RAD51B: variants seen among roughly 807,000 people sequenced by gnomAD.
RAD51B encodes DNA repair protein RAD51 homolog 2.
A neutral mutation model predicts 42.2 loss-of-function variants in RAD51B; 38 were observed. The observed-to-expected ratio is 0.90, with a 90% CI of 0.70 to 1.18. The LOEUF (loss-of-function observed/expected upper bound fraction) is 1.18, where lower values mean the gene tolerates loss of function less well. Ranked by LOEUF, RAD51B falls within the 50% of genes most tolerant of loss-of-function variation. The probability of loss-of-function intolerance (pLI) is 0.00; values close to 1 mark genes in which losing one functional copy is unlikely to be tolerated. For synonymous variants in RAD51B, 154 were observed against 145.2 expected, an observed-to-expected ratio of 1.06 and a Z score of -0.43; for missense variants, 373 against 400.7, an observed-to-expected ratio of 0.93 and a Z score of 0.59.
At chr14:67,882,887 G>A (rs1290074439) in intron 5 of RAD51B, among the ~76,000 whole-genome samples, 11 of 152,156 alleles carry the variant, frequency 7.2e-5, no homozygotes, top group Admixed American at 7.2e-4. Flanking sequence ...TGGGATTACA[G>A]GCGCCCGTCA....
rs563558501 is a variant in RAD51B at position 68,477,947 on chromosome 14, A to G, written c.*283A>G. 7.6e-5 allele frequency: 92 copies of G among 1,217,214 alleles called. 1 individual carries two copies. The highest frequency in any genetic ancestry group is 1.6e-5 in the African/African-American group (1 of 64,372). The allele number at this position is 1,217,214 out of a possible 1,614,324, so 75.4% of individuals were successfully genotyped here. A position where few individuals can be genotyped will look rare whatever the true frequency, so the allele number is the denominator to read the frequency against. On this transcript the variant is annotated 3_prime_UTR_variant, in exon 11 of 11. Transcript: ENST00000471583. ...AGCCATAATAATAATTTGCACTTATATAGCACCTTTCAACCAGGCACCTCA... is the reference window on the plus strand; with the variant it reads ...AGCCATAATAATAATTTGCACTTATGTAGCACCTTTCAACCAGGCACCTCA...
chr14:68,406,091 A>G (rs919993883), intron 8 of RAD51B, among the ~76,000 whole-genome samples: 1 of 152,238 alleles, frequency 6.6e-6, no homozygotes, highest in African/African-American at 2.4e-5. Flanking sequence ...ATAACTTTTT[A>G]ATTAGTCATT....
At chr14:67,914,747 A>G (rs113896983) in intron 7 of RAD51B, among the ~76,000 whole-genome samples, 2 of 152,256 alleles carry the variant, frequency 1.3e-5, no homozygotes, top group African/African-American at 4.8e-5. Context: ...GTTTATTTGT[A>G]ACACCCAAAT....
chr14:67,865,034 A>G lies in RAD51B; in HGVS notation c.347A>G (p.Gln116Arg). Residue 116 changes from glutamine (Q) to arginine (R), a missense_variant, in exon 5 of 11, where the codon CAG becomes CGG. Transcript: ENST00000471583. ...ITGPPGCGKT[Q>R]FCIMMSILAT... ...GGTCCACCAGGTTGTGGAAAAACTC[A>G]GTTTTGTATAATGATGAGCATTTTG... 7.5e-7 allele frequency: 1 copy of G among 1,341,080 alleles called. No individual in the cohort carries two copies. The allele number at this position is 1,341,080 out of a possible 1,614,324, so 83.1% of individuals were successfully genotyped here. A position where few individuals can be genotyped will look rare whatever the true frequency, so the allele number is the denominator to read the frequency against.
intron 7 of RAD51B, among the ~76,000 whole-genome samples, chr14:67,947,473 A>T (rs763508714): frequency 3.3e-5 from 5 of 152,160 alleles, no homozygotes; most frequent in Non-Finnish European, 7.4e-5. Flanking sequence ...TCCCATTTTA[A>T]TGTCTGACCC....
intron 10 of RAD51B, among the ~76,000 whole-genome samples, chr14:68,473,971 G>A (rs1241273009): frequency 6.6e-6 from 1 of 152,128 alleles, no homozygotes. Context: ...TGCTTTTGTT[G>A]CTTAACACTG....
intron 8 of RAD51B, among the ~76,000 whole-genome samples, chr14:68,314,565 G>A (rs1002566392): frequency 1.3e-5 from 2 of 152,126 alleles, no homozygotes; most frequent in Admixed American, 6.5e-5. Context: ...AGTCTACAGA[G>A]CAGAGTAATA....
chr14:68,052,073 A>G (rs2076402766), intron 7 of RAD51B, among the ~76,000 whole-genome samples: 1 of 152,202 alleles, frequency 6.6e-6, no homozygotes, highest in African/African-American at 2.4e-5. Flanking sequence ...ATTTTGTTGA[A>G]CATGCCCAAA....
At chr14:67,945,766 C>A (rs1475176496) in intron 7 of RAD51B, among the ~76,000 whole-genome samples, 1 of 152,144 alleles carries the variant, frequency 6.6e-6, no homozygotes, top group Admixed American at 6.5e-5. Context: ...CTACCATGCC[C>A]AGCCCAGACC....
In RAD51B at chr14:68,286,787, C is replaced by T. The variant is rs534260744; in HGVS notation, c.757-5097C>T. 8.5e-5 allele frequency among the ~76,000 whole-genome samples: 13 copies of T among 152,320 alleles called. 1 individual carries two copies. The South Asian group carries it at 2.7e-3, about 32-fold the overall frequency. On this transcript the variant is annotated intron_variant, in intron 7 of 10. Transcript: ENST00000471583. Reference sequence around the variant, plus strand: ...AGGTGTAGCCTGGGTATAGTCTAGTCATAGCCTAGCTAAAGAAAGATGAGT... The same window carrying T: ...AGGTGTAGCCTGGGTATAGTCTAGTTATAGCCTAGCTAAAGAAAGATGAGT...
intron 5 of RAD51B, among the ~76,000 whole-genome samples, chr14:67,878,502 A>G (rs956125404): frequency 6.6e-6 from 1 of 151,656 alleles, no homozygotes; most frequent in African/African-American, 2.4e-5. Context: ...TTTGTTATCT[A>G]TGATTTCTTT....
At chr14:68,047,395 T>C (rs2076319646) in intron 7 of RAD51B, among the ~76,000 whole-genome samples, 1 of 152,174 alleles carries the variant, frequency 6.6e-6, no homozygotes, top group Non-Finnish European at 1.5e-5. Flanking sequence ...CTGTTAATAT[T>C]AGATATTTTA....
At chr14:67,846,818 G>A (rs2041632348) in intron 4 of RAD51B, among the ~76,000 whole-genome samples, 1 of 152,166 alleles carries the variant, frequency 6.6e-6, no homozygotes, top group Non-Finnish European at 1.5e-5. Context: ...TCCTAGGAGA[G>A]CATGGTGAGC....
chr14:68,644,790 A>G (rs944655964), intron 10 of RAD51B, among the ~76,000 whole-genome samples: 4 of 152,060 alleles, frequency 2.6e-5, no homozygotes, highest in African/African-American at 9.7e-5. Context: ...CAAAAGTCTT[A>G]TACACTCATC....
chr14:68,158,997 TA>T (rs2078577892), intron 7 of RAD51B, among the ~76,000 whole-genome samples: 1 of 152,148 alleles, frequency 6.6e-6, no homozygotes, highest in African/African-American at 2.4e-5. Flanking sequence ...AAGATTTGGT[TA>T]TTTTTTTTTT....
At chr14:68,272,666 T>TATATATATATATATATATATA (rs58623449) in intron 7 of RAD51B, among the ~76,000 whole-genome samples, 3 of 4,968 alleles carry the variant, frequency 6.0e-4, no homozygotes, top group African/African-American at 1.4e-3. Context: ...TATATATATA[T>TATATATATATATATATATATA]TTTTTTTTTT....
intron 2 of RAD51B, among the ~76,000 whole-genome samples, chr14:67,824,587 A>G (rs1566908756): frequency 6.6e-6 from 1 of 152,126 alleles, no homozygotes; most frequent in Non-Finnish European, 1.5e-5. Flanking sequence ...ACATTTTCAC[A>G]GAGCATTCTG....
At chr14:67,985,320 C>T (rs1353189587) in intron 7 of RAD51B, among the ~76,000 whole-genome samples, 4 of 152,010 alleles carry the variant, frequency 2.6e-5, no homozygotes, top group Non-Finnish European at 5.9e-5. Context: ...AGTATGTGTC[C>T]CTTAAGAACA....
intron 11 of RAD51B, among the ~76,000 whole-genome samples, chr14:68,679,234 T>A (rs1893377664): frequency 6.6e-6 from 1 of 152,158 alleles, no homozygotes; most frequent in Non-Finnish European, 1.5e-5. Context: ...TGATCTAGGC[T>A]TTATCCTCCC....
Sources: gnomAD v4.1 joint callset for allele counts (sites outside exome capture counted in the v4.1 genomes callset) on GRCh38, gnomAD v4.1.1 for gene constraint, MANE v1.5 for transcripts, NCBI Gene and HGNC (gene_info 2026-07-23, HGNC 2026-07-21) for gene names.